Variants in HECW1 observed in about 807,000 individuals in gnomAD.
The protein encoded by HECW1 is E3 ubiquitin-protein ligase HECW1.
Under a neutral mutation model 182.3 loss-of-function variants are expected in HECW1, and 61 were observed. The ratio of observed to expected loss-of-function variants is 0.33; its 90% CI spans 0.27 to 0.41. The LOEUF is 0.41. Among genes scored for constraint, HECW1 ranks in the 10% least tolerant of loss-of-function variants. The pLI is 1.00. For synonymous variants in HECW1, 859 were observed against 832.6 expected (o/e 1.03, Z -0.55); for missense variants, 1,739 against 2,108.9 (o/e 0.82, Z 3.44).
At chr7:43,217,023 G>C (rs1796508781) in intron 2 of HECW1, among the ~76,000 whole-genome samples, 1 of 152,094 alleles carries the variant, frequency 6.6e-6, no homozygotes, top group South Asian at 2.1e-4. Flanking sequence ...CTCACAGTCT[G>C]ATCATAGTGG....
chr7:43,149,725 TAAAATA>T (rs1562599715), intron 2 of HECW1, among the ~76,000 whole-genome samples: 1 of 152,184 alleles, frequency 6.6e-6, no homozygotes. Context: ...AATTAAAAGT[TAAAATA>T]AAAATATTTA....
chr7:43,508,152 T>C (rs1240388199), intron 23 of HECW1, 21 bp downstream of exon 23: 11 of 1,542,644 alleles, frequency 7.1e-6, no homozygotes, highest in Non-Finnish European at 9.9e-6. Flanking sequence ...AGGAGTTTTA[T>C]GCAGACACCT....
intron 5 of HECW1, among the ~76,000 whole-genome samples, chr7:43,350,014 CAAGATTTAG>C (rs1446122816): frequency 1.3e-5 from 2 of 152,128 alleles, no homozygotes; most frequent in African/African-American, 2.4e-5. Context: ...GGATTTGTTT[CAAGATTTAG>C]AGCTCCTTTT....
intron 2 of HECW1, among the ~76,000 whole-genome samples, chr7:43,213,725 G>A (rs939665703): frequency 1.8e-4 from 28 of 152,040 alleles, no homozygotes; most frequent in Admixed American, 3.3e-4. Flanking sequence ...GATTACAGGC[G>A]TGAGCCACTG....
At chr7:43,277,766 G>A (rs1025148629) in intron 3 of HECW1, among the ~76,000 whole-genome samples, 3 of 152,118 alleles carry the variant, frequency 2.0e-5, no homozygotes, top group African/African-American at 4.8e-5. Context: ...TACTCCCTCA[G>A]TAAAGTTGTT....
chr7:43,169,450 C>T lies in HECW1; in HGVS notation c.-32+55059C>T, dbSNP rs182650842. Among the ~76,000 whole-genome samples, 10 of 152,220 alleles carry T rather than the reference C, an allele frequency of 6.6e-5. No homozygotes were observed. The East Asian group carries it at 7.7e-4, about 12-fold the overall frequency. On this transcript the variant is annotated intron_variant, in intron 2 of 29. Coordinates refer to ENST00000395891, the MANE Select transcript of HECW1 (RefSeq NM_015052.5). ...AACCAAAAATGTCTCCAGACATTGA[C>T]GGATACCCCTGGGAGATACACCCTT... is the stretch of plus-strand genomic sequence containing the variant.
intron 2 of HECW1, among the ~76,000 whole-genome samples, chr7:43,123,270 G>T (rs1297202040): frequency 2.6e-5 from 4 of 152,206 alleles, no homozygotes; most frequent in Non-Finnish European, 5.9e-5. Context: ...GCTACTCACA[G>T]TTCGGTCATT....
intron 6 of HECW1, among the ~76,000 whole-genome samples, chr7:43,363,485 C>A (rs901004354): frequency 6.6e-6 from 1 of 152,148 alleles, no homozygotes; most frequent in Non-Finnish European, 1.5e-5. Context: ...TCACACAAAT[C>A]AGTAGACACT....
chr7:43,265,546 G>T (rs1801682210), intron 3 of HECW1, among the ~76,000 whole-genome samples: 1 of 152,124 alleles, frequency 6.6e-6, no homozygotes, highest in Non-Finnish European at 1.5e-5. Flanking sequence ...ATTTCATAAG[G>T]TTCATGCTAA....
At chr7:43,493,279 C>A in intron 19 of HECW1, 99 bp downstream of exon 19, 3 of 719,638 alleles carry the variant, frequency 4.2e-6, no homozygotes. Flanking sequence ...GCTTATTATA[C>A]ATTGTATTTG....
chr7:43,210,026 G>A (rs1460296051), intron 2 of HECW1, among the ~76,000 whole-genome samples: 2 of 152,138 alleles, frequency 1.3e-5, no homozygotes, highest in Non-Finnish European at 2.9e-5. Context: ...ACAGAGTTGA[G>A]AGAAACTTAA....
intron 6 of HECW1, among the ~76,000 whole-genome samples, chr7:43,378,400 G>C (rs553570657): frequency 6.6e-6 from 1 of 152,360 alleles, no homozygotes; most frequent in South Asian, 2.1e-4. Flanking sequence ...CTGTAACAAA[G>C]AGCTATCTAG....
intron 24 of HECW1, among the ~76,000 whole-genome samples, chr7:43,527,545 G>T (rs62461061): frequency 0.018 from 2,779 of 152,134 alleles, 39 homozygotes; most frequent in Admixed American, 0.039. Context: ...GGGCCCACCT[G>T]GATAATCCAA....
chr7:43,358,675 A>AT, intron 5 of HECW1, among the ~76,000 whole-genome samples: 1 of 152,282 alleles, frequency 6.6e-6, no homozygotes, highest in East Asian at 1.9e-4. Flanking sequence ...ATCGGATTCT[A>AT]TTTTAAGCCT....
At chr7:43,172,123 CA>C (rs537618606) in intron 2 of HECW1, among the ~76,000 whole-genome samples, 10,431 of 74,936 alleles carry the variant, frequency 0.14, 608 homozygotes, top group African/African-American at 0.27. Context: ...ACTAAAAATA[CA>C]AAAAAAAAAA....
chr7:43,465,542 G>T (rs2077735296), intron 14 of HECW1, among the ~76,000 whole-genome samples: 1 of 152,220 alleles, frequency 6.6e-6, no homozygotes, highest in African/African-American at 2.4e-5. Flanking sequence ...AAACCCTGAT[G>T]CAGAACTGAC....
At chr7:43,361,846 T>TAA (rs76445158) in intron 6 of HECW1, among the ~76,000 whole-genome samples, 1 of 86,272 alleles carries the variant, frequency 1.2e-5, no homozygotes, top group East Asian at 3.0e-4. Flanking sequence ...TTTTTTACAT[T>TAA]AAAAAAAAAA....
At chr7:43,524,735 AC>A (rs1435251896) in intron 24 of HECW1, among the ~76,000 whole-genome samples, 1 of 152,214 alleles carries the variant, frequency 6.6e-6, no homozygotes, top group African/African-American at 2.4e-5. Context: ...ACAAGTTCCT[AC>A]TAGAGACTGT....
intron 2 of HECW1, among the ~76,000 whole-genome samples, chr7:43,210,475 G>A (rs1279004092): frequency 6.6e-6 from 1 of 151,552 alleles, no homozygotes; most frequent in African/African-American, 2.4e-5. Context: ...GTGTGTGTGT[G>A]TGGTATTGTT....
Sources: gnomAD v4.1 joint callset for allele counts (sites outside exome capture counted in the v4.1 genomes callset) on GRCh38, gnomAD v4.1.1 for gene constraint, MANE v1.5 for transcripts, NCBI Gene and HGNC (gene_info 2026-07-23, HGNC 2026-07-21) for gene names.